Variants in CSMD1 observed in about 807,000 individuals in gnomAD.
The protein encoded by CSMD1 is CUB and sushi domain-containing protein 1.
A neutral mutation model predicts 417.5 loss-of-function variants in CSMD1; 213 were observed. That is an observed-to-expected ratio of 0.51 (90% CI 0.46 to 0.57). CSMD1 has a LOEUF of 0.57. Among genes scored for constraint, CSMD1 ranks in the 20% least tolerant of loss-of-function variants. CSMD1 has a pLI of 0.00. For missense variants in CSMD1, 6,923 were observed against 4,529.7 expected (o/e 1.53, Z -15.17); for synonymous variants, 2,862 against 1,736.8 (o/e 1.65, Z -16.11).
At chr8:4,800,200 A>G (rs1421571464) in intron 1 of CSMD1, among the ~76,000 whole-genome samples, 3 of 152,148 alleles carry the variant, frequency 2.0e-5, no homozygotes, top group Non-Finnish European at 4.4e-5. Context: ...GCACGTTGGG[A>G]AGCCAAGGCG....
intron 3 of CSMD1, among the ~76,000 whole-genome samples, chr8:4,374,933 A>G (rs542155554): frequency 8.4e-6 from 1 of 119,688 alleles, no homozygotes; most frequent in Non-Finnish European, 1.6e-5. Context: ...AGTCTTAGAA[A>G]ACAATGATTA....
intron 2 of CSMD1, among the ~76,000 whole-genome samples, chr8:4,623,568 G>A (rs1023722491): frequency 3.3e-5 from 5 of 151,900 alleles, no homozygotes; most frequent in Non-Finnish European, 7.4e-5. Context: ...TAAAAACAGG[G>A]GGGTGAGGGG....
intron 1 of CSMD1, among the ~76,000 whole-genome samples, chr8:4,699,095 G>C (rs1276789854): frequency 6.6e-6 from 1 of 152,068 alleles, no homozygotes; most frequent in Non-Finnish European, 1.5e-5. Flanking sequence ...TAGAGTTTGA[G>C]GTCTTCGCTT....
At chr8:4,365,828 T>A (rs1172647865) in intron 3 of CSMD1, among the ~76,000 whole-genome samples, 1 of 152,234 alleles carries the variant, frequency 6.6e-6, no homozygotes, top group African/African-American at 2.4e-5. Flanking sequence ...TTTTGACTTT[T>A]CTAGATTCCA....
chr8:4,767,920 C>T (rs1563334634), intron 1 of CSMD1, among the ~76,000 whole-genome samples: 1 of 152,086 alleles, frequency 6.6e-6, no homozygotes, highest in Non-Finnish European at 1.5e-5. Flanking sequence ...ATTAATAAAA[C>T]AAATGGAAAG....
At chr8:4,363,302 G>A (rs1801880907) in intron 3 of CSMD1, among the ~76,000 whole-genome samples, 1 of 152,030 alleles carries the variant, frequency 6.6e-6, no homozygotes. Context: ...CCTCCTGCCC[G>A]TCATGAAATT....
intron 3 of CSMD1, among the ~76,000 whole-genome samples, chr8:4,386,989 G>C (rs1803496566): frequency 1.3e-5 from 2 of 152,310 alleles, no homozygotes; most frequent in South Asian, 2.1e-4. Flanking sequence ...ATGAATGAAA[G>C]GACAGTAATC....
intron 5 of CSMD1, among the ~76,000 whole-genome samples, chr8:3,965,203 G>T (rs1222839844): frequency 6.6e-6 from 1 of 152,118 alleles, no homozygotes; most frequent in Non-Finnish European, 1.5e-5. Flanking sequence ...AGACAAGGGC[G>T]GAAGGAGGGG....
rs190228504 is a variant in CSMD1, at chr8:3,261,255, G to A, written c.4153+22889C>T. ...GAGGCAGAAAAACAGAATCACGTAC[G>A]CGTTGCTGGTGAGAATGTAAAATGG... On this transcript the variant is annotated intron_variant, in intron 26 of 69. Transcript: ENST00000635120. Among the ~76,000 whole-genome samples, 20 of 152,284 alleles carry A rather than the reference G, an allele frequency of 1.3e-4. No homozygotes were observed. The East Asian group carries it at 2.1e-3, about 16-fold the overall frequency.
chr8:4,893,541 G>A (rs916764888), intron 1 of CSMD1, among the ~76,000 whole-genome samples: 3 of 152,064 alleles, frequency 2.0e-5, no homozygotes, highest in African/African-American at 4.8e-5. Context: ...ATAATTTTAT[G>A]TTTTCCTCAA....
At chr8:4,117,675 G>A (rs1285666172) in intron 3 of CSMD1, among the ~76,000 whole-genome samples, 4 of 152,158 alleles carry the variant, frequency 2.6e-5, no homozygotes, top group Non-Finnish European at 5.9e-5. Context: ...TAGACAGACT[G>A]TATACCTGAC....
intron 3 of CSMD1, among the ~76,000 whole-genome samples, chr8:4,225,455 TAAC>T (rs1261566505): frequency 2.0e-5 from 3 of 151,510 alleles, no homozygotes; most frequent in Admixed American, 6.6e-5. Context: ...TGTTTAGAAA[TAAC>T]AATAAAATAC....
intron 10 of CSMD1, among the ~76,000 whole-genome samples, chr8:3,563,957 T>G (rs1463738219): frequency 3.9e-5 from 6 of 152,298 alleles, no homozygotes; most frequent in Admixed American, 6.5e-5. Context: ...CTAATGTTCA[T>G]TCTTTTGGGT....
At chr8:3,870,211 T>C (rs1318049395) in intron 5 of CSMD1, among the ~76,000 whole-genome samples, 2 of 152,202 alleles carry the variant, frequency 1.3e-5, no homozygotes, top group African/African-American at 2.4e-5. Flanking sequence ...ATGTCAACCA[T>C]ATTTCTCTTT....
chr8:4,973,106 C>T (rs1810338687), intron 1 of CSMD1, among the ~76,000 whole-genome samples: 1 of 152,110 alleles, frequency 6.6e-6, no homozygotes, highest in Admixed American at 6.6e-5. Context: ...GAAACTCATG[C>T]TACTGTATAG....
chr8:3,871,694 A>G (rs1223529242), intron 5 of CSMD1, among the ~76,000 whole-genome samples: 1 of 152,298 alleles, frequency 6.6e-6, no homozygotes, highest in African/African-American at 2.4e-5. Context: ...ATTTTCACCC[A>G]GGTAAATGTG....
chr8:3,942,229 T>G (rs912306709), intron 5 of CSMD1, among the ~76,000 whole-genome samples: 1 of 152,056 alleles, frequency 6.6e-6, no homozygotes, highest in African/African-American at 2.4e-5. Context: ...TCATCATATA[T>G]TACTGTGTAA....
intron 7 of CSMD1, among the ~76,000 whole-genome samples, chr8:3,688,189 A>C (rs1439853940): frequency 6.6e-6 from 1 of 152,202 alleles, no homozygotes; most frequent in Non-Finnish European, 1.5e-5. Flanking sequence ...CATAAATTGG[A>C]CACAATGAAT....
At chr8:4,868,323 C>T (rs1223645913) in intron 1 of CSMD1, among the ~76,000 whole-genome samples, 1 of 151,966 alleles carries the variant, frequency 6.6e-6, no homozygotes, top group Non-Finnish European at 1.5e-5. Flanking sequence ...AACCTCCATC[C>T]CCTGGGTTCG....
Sources: gnomAD v4.1 joint callset for allele counts (sites outside exome capture counted in the v4.1 genomes callset) on GRCh38, gnomAD v4.1.1 for gene constraint, MANE v1.5 for transcripts, NCBI Gene and HGNC (gene_info 2026-07-23, HGNC 2026-07-21) for gene names.